Variants in BCR observed in about 807,000 individuals in gnomAD.
BCR encodes the protein BCR activator of RhoGEF and GTPase, also known as breakpoint cluster region protein.
Under a neutral mutation model 138.6 loss-of-function variants are expected in BCR, and 58 were observed. The observed-to-expected ratio is 0.42, with a 90% CI of 0.34 to 0.52. The LOEUF (loss-of-function observed/expected upper bound fraction) is 0.52, where lower values mean the gene tolerates loss of function less well. Ranked by LOEUF, BCR falls within the 20% of genes least tolerant of loss-of-function variation. BCR has a pLI of 0.06. For missense variants in BCR, 1,599 were observed against 1,727.2 expected, an observed-to-expected ratio of 0.93 and a Z score of 1.32; for synonymous variants, 786 against 730.1, an observed-to-expected ratio of 1.08 and a Z score of -1.23.
At chr22:23,284,133 C>T in intron 9 of BCR, 35 bp downstream of exon 9, 1 of 1,609,636 alleles carries the variant, frequency 6.2e-7, no homozygotes, top group Non-Finnish European at 8.5e-7. Flanking sequence ...CCAGCAGTGA[C>T]CCCACCCTGA....
intron 1 of BCR, among the ~76,000 whole-genome samples, chr22:23,209,612 C>T (rs968378852): frequency 6.6e-5 from 10 of 151,426 alleles, no homozygotes; most frequent in South Asian, 2.1e-4. Context: ...GGCGCGATCT[C>T]GGCTCACTGC....
intron 1 of BCR, chr22:23,198,378 C>A: frequency 2.2e-6 from 1 of 450,716 alleles, no homozygotes; most frequent in Non-Finnish European, 4.3e-6. Flanking sequence ...AGTAGGGGCT[C>A]CAGAAAGGTG....
At chr22:23,245,194 G>GT (rs2073142212) in intron 1 of BCR, among the ~76,000 whole-genome samples, 1 of 152,192 alleles carries the variant, frequency 6.6e-6, no homozygotes, top group Non-Finnish European at 1.5e-5. Context: ...GCTCAGAGTT[G>GT]TAAATACCTG....
At chr22:23,276,037 T>C (rs1229870525) in intron 8 of BCR, among the ~76,000 whole-genome samples, 3 of 152,118 alleles carry the variant, frequency 2.0e-5, no homozygotes, top group African/African-American at 7.2e-5. Context: ...TCCGTCCCCA[T>C]GGGGGCCAAC....
chr22:23,273,993 A>G (rs1428871934), intron 8 of BCR, among the ~76,000 whole-genome samples: 1 of 152,138 alleles, frequency 6.6e-6, no homozygotes, highest in Non-Finnish European at 1.5e-5. Context: ...GGCAGCCATC[A>G]CCATGCCTCA....
At chr22:23,182,969 C>T (rs1290237567) in intron 1 of BCR, among the ~76,000 whole-genome samples, 1 of 152,206 alleles carries the variant, frequency 6.6e-6, no homozygotes, top group Admixed American at 6.5e-5. Flanking sequence ...CATGATTATT[C>T]ACCACCAGGC....
chr22:23,251,767 C>T (rs1240447150), intron 1 of BCR, among the ~76,000 whole-genome samples: 6 of 152,192 alleles, frequency 3.9e-5, no homozygotes, highest in African/African-American at 1.4e-4. Context: ...GTGAGAGTGA[C>T]GTCACCCCAT....
At position 23,182,028 on chromosome 22, in the gene BCR, C is replaced by T. The variant is rs2072273790; in HGVS notation, c.1068C>T (p.Ser356=). ...GCCAGTCCAGCCGCGTGTCCCCAAG[C>T]CCCACCACCTACCGCATGTTCCGGG... ...SSGQSSRVSP[S]PTTYRMFRDK... is the part of the protein sequence containing the mutation. The change falls in exon 1 of 23, where the codon AGC becomes AGT. Residue 356 remains serine (S), a synonymous_variant. Coordinates refer to ENST00000305877, the MANE Select transcript of BCR (RefSeq NM_004327.4). The T allele has an allele frequency of 1.2e-6, 2 of 1,613,298 alleles. No individual in the cohort carries two copies. The highest frequency in any genetic ancestry group is 2.7e-5 in the African/African-American group (2 of 74,936).
chr22:23,219,687 C>G (rs939981607), intron 1 of BCR, among the ~76,000 whole-genome samples: 1 of 152,208 alleles, frequency 6.6e-6, no homozygotes, highest in Non-Finnish European at 1.5e-5. Context: ...CTGAGAGTCC[C>G]CCGCCACCCC....
intron 1 of BCR, among the ~76,000 whole-genome samples, chr22:23,247,749 C>T (rs2073172179): frequency 1.3e-5 from 2 of 152,338 alleles, no homozygotes; most frequent in Admixed American, 1.3e-4. Flanking sequence ...GGGAGCCCAC[C>T]GTTCCACCTT....
rs759248991 is a variant in BCR at position 23,287,413 on chromosome 22, G to A, written c.2526+135G>A. On this transcript the variant is annotated intron_variant, in intron 11 of 22. Transcript: ENST00000305877. ...TGTCCGGCATGGTGCATGCAAGCAC[G>A]CACATTCCTTTGTCTGGGGCTTTGG... is the stretch of plus-strand genomic sequence containing the variant. 2.4e-5 allele frequency: 32 copies of A among 1,356,840 alleles called. No individual in the cohort carries two copies. The South Asian group carries it at 3.2e-4, about 14-fold the overall frequency. The allele number at this position is 1,356,840 out of a possible 1,614,324, so 84.1% of individuals were successfully genotyped here. A position where few individuals can be genotyped will look rare whatever the true frequency, so the allele number is the denominator to read the frequency against.
chr22:23,227,668 C>T (rs552531867), intron 1 of BCR, among the ~76,000 whole-genome samples: 1 of 152,372 alleles, frequency 6.6e-6, no homozygotes, highest in Non-Finnish European at 1.5e-5. Context: ...AGCATTCTCT[C>T]TCCTGTCACA....
At chr22:23,204,132 G>A (rs554763442) in intron 1 of BCR, among the ~76,000 whole-genome samples, 2 of 152,166 alleles carry the variant, frequency 1.3e-5, no homozygotes, top group African/African-American at 2.4e-5. Flanking sequence ...CTGACTAGTC[G>A]TCCTGCACCG....
chr22:23,230,920 C>T (rs957628425), intron 1 of BCR, among the ~76,000 whole-genome samples: 7 of 152,098 alleles, frequency 4.6e-5, no homozygotes, highest in East Asian at 3.9e-4. Flanking sequence ...AATGTGGCCC[C>T]GGGGCCACAG....
chr22:23,306,376 C>T (rs1051836103), intron 16 of BCR: 1 of 152,334 alleles, frequency 6.6e-6, no homozygotes, highest in African/African-American at 2.4e-5. Flanking sequence ...GTCCTCCACC[C>T]TGGGTCCATC....
intron 3 of BCR, 108 bp downstream of exon 3, chr22:23,261,162 C>T (rs1460969498): frequency 1.6e-6 from 2 of 1,277,316 alleles, no homozygotes; most frequent in Non-Finnish European, 2.2e-6. Context: ...CTGGGTGCAG[C>T]TCGCCATCCC....
At chr22:23,195,440 AT>A (rs1320776967) in intron 1 of BCR, among the ~76,000 whole-genome samples, 4,678 of 149,060 alleles carry the variant, frequency 0.031, 244 homozygotes, top group African/African-American at 0.11. Context: ...AAAAAAAAAA[AT>A]ATCAGCTGGG....
Position 23,214,746 on chromosome 22 carries a change from C to T in BCR, c.1279+32507C>T, listed in dbSNP as rs1186714160. 3.9e-5 allele frequency among the ~76,000 whole-genome samples: 6 copies of T among 152,328 alleles called. No homozygotes were observed. In the East Asian group the frequency reaches 9.6e-4, roughly 24 times the overall value. ...TCGGCGTTTGTGAGCGTGCATTGTC[C>T]AAACCTGCATTTGGAAGGGGTCAAA... is the stretch of plus-strand genomic sequence containing the variant. On this transcript the variant is annotated intron_variant, in intron 1 of 22. Transcript: ENST00000305877.
rs1286880705 is a variant in BCR at position 23,181,752 on chromosome 22, T to A, written c.792T>A (p.Asn264Lys). 1 of 1,604,934 alleles carries A rather than the reference T, an allele frequency of 6.2e-7. No homozygotes were observed. Among genetic ancestry groups the A allele is most frequent in the South Asian group, 1.1e-5 (1 of 91,086 alleles). ...TGAAGGACAACCTGATCGACGCCAA[T>A]GGCGGTAGCAGGCCCCCTTGGCCGC... ...RFLKDNLIDA[N>K]GGSRPPWPPL... The change falls in exon 1 of 23, where the codon AAT becomes AAA. Residue 264 changes from asparagine (N) to lysine (K), a missense_variant. Asn to Lys is a moderately conservative substitution (Grantham distance 94). Coordinates refer to ENST00000305877, the MANE Select transcript of BCR (RefSeq NM_004327.4).
Sources: gnomAD v4.1 joint callset for allele counts (sites outside exome capture counted in the v4.1 genomes callset) on GRCh38, gnomAD v4.1.1 for gene constraint, MANE v1.5 for transcripts, NCBI Gene and HGNC (gene_info 2026-07-23, HGNC 2026-07-21) for gene names.